Variants in SIGLEC5 observed in about 807,000 individuals in gnomAD.
The protein encoded by SIGLEC5 is sialic acid-binding Ig-like lectin 5.
In SIGLEC5, 34 loss-of-function variants were observed where a neutral mutation model predicts 45.9. The observed-to-expected ratio is 0.74, with a 90% CI of 0.56 to 0.99. SIGLEC5 has a LOEUF of 0.99. Ranked by LOEUF, SIGLEC5 falls within the 50% of genes least tolerant of loss-of-function variation. The pLI, the probability that SIGLEC5 is intolerant of heterozygous loss-of-function variation, is 0.00. For synonymous variants in SIGLEC5, 203 were observed against 258.6 expected, an observed-to-expected ratio of 0.79 and a Z score of 2.06; for missense variants, 508 against 629.6, an observed-to-expected ratio of 0.81 and a Z score of 2.07.
At chr19:51,623,977 G>T (rs750812954) in intron 8 of SIGLEC5, among the ~76,000 whole-genome samples, 6 of 151,898 alleles carry the variant, frequency 4.0e-5, no homozygotes, top group Non-Finnish European at 5.9e-5. Context: ...TGGCCAACAT[G>T]GTGAAACCCC....
intron 7 of SIGLEC5, 60 bp downstream of exon 7, chr19:51,627,089 T>C: frequency 1.5e-6 from 2 of 1,331,526 alleles, no homozygotes; most frequent in South Asian, 2.4e-5. Flanking sequence ...GTTTCTGAGA[T>C]TCAGTCTCTC....
chr19:51,627,988 C>T lies in SIGLEC5; in HGVS notation c.843G>A (p.Trp281Ter), dbSNP rs1357028194. The change falls in exon 5 of 9, where the codon TGG (tryptophan) becomes TGA (stop). Residue 281 changes from tryptophan to a stop codon, truncating the protein, a stop_gained. Coordinates refer to ENST00000683636, the MANE Select transcript of SIGLEC5 (RefSeq NM_003830.4). LOFTEE classifies it high-confidence loss of function. ...CGTTCAGGGCAGGGGAGCCCTGGAA[C>T]CAGCTCAGGTGTGCAGGGGGGTTGC... is the stretch of plus-strand genomic sequence containing the variant. ...APSNPPAHLS[W>*]FQGSPALNAT... 1 of 1,613,408 alleles carries T rather than the reference C, an allele frequency of 6.2e-7. No homozygotes were observed. The highest frequency in any genetic ancestry group is 1.1e-5 in the South Asian group (1 of 90,980).
At position 51,629,037 on chromosome 19, in the gene SIGLEC5, C is replaced by A; in HGVS notation, c.739+1G>T. On this transcript the variant is annotated splice_donor_variant, in intron 4 of 8. Transcript: ENST00000683636. LOFTEE classifies it high-confidence loss of function. ...AGCTTCAGAGAGGAGGTCTTTCCTA[C>A]CTATGCCGTTCCTGAAGATGGTGAT... 6.2e-7 allele frequency: 1 copy of A among 1,613,694 alleles called. No individual in the cohort carries two copies. The highest frequency in any genetic ancestry group is 8.5e-7 in the Non-Finnish European group (1 of 1,179,750).
chr19:51,612,502 T>C, intron 8 of SIGLEC5, 80 bp from the exon 9 acceptor site: 1 of 1,029,124 alleles, frequency 9.7e-7, no homozygotes, highest in Non-Finnish European at 1.4e-6. Context: ...ATTTATATGT[T>C]GCCTTGGGAT....
At chr19:51,626,183 T>C (rs1839259687) in intron 7 of SIGLEC5, 70 bp from the exon 8 acceptor site, 2 of 1,243,112 alleles carry the variant, frequency 1.6e-6, no homozygotes, top group Non-Finnish European at 2.3e-6. Context: ...TCCCATCCCA[T>C]GCTAAGATGG....
rs761011703 is a variant in SIGLEC5, at chr19:51,628,034, C to A, written c.797G>T (p.Arg266Leu). The A allele has an allele frequency of 1.9e-6, 3 of 1,598,114 alleles. No individual in the cohort carries two copies. The highest frequency in any genetic ancestry group is 2.6e-6 in the Non-Finnish European group (3 of 1,171,770). The change falls in exon 5 of 9, where the codon CGG (arginine) becomes CTG (leucine). Residue 266 changes from arginine to leucine, a missense_variant. Around this residue, in one of 2 missense-constraint regions of SIGLEC5, gnomAD observed 431 missense variants for 428.8 expected, o/e 1.01. Transcript: ENST00000683636. ...GTTGCTGGGAGCATCACAGAGCAGC[C>A]GCAGAGCCTGGCCCTCCAGGACCGG... is the stretch of plus-strand genomic sequence containing the variant. ...YLPVLEGQAL[R>L]LLCDAPSNPP...
chr19:51,625,906 G>C (rs1461851832), intron 8 of SIGLEC5, 126 bp downstream of exon 8: 3 of 705,142 alleles, frequency 4.3e-6, no homozygotes, highest in Admixed American at 4.4e-5. Context: ...GGGATATGAA[G>C]GGGGAGAACA....
In SIGLEC5 at chr19:51,627,460, A is replaced by T. The variant is rs754967826; in HGVS notation, c.1282+2T>A. 1.2e-5 allele frequency: 20 copies of T among 1,610,414 alleles called. No individual in the cohort carries two copies. Among genetic ancestry groups the T allele is most frequent in the Non-Finnish European group, 1.7e-5 (20 of 1,177,978 alleles). On this transcript the variant is annotated splice_donor_variant, in intron 6 of 8. Coordinates refer to ENST00000683636, the MANE Select transcript of SIGLEC5 (RefSeq NM_003830.4). LOFTEE classifies it high-confidence loss of function. ...CCTGCCCTCTGCAATACGCCCCCTG[A>T]CCTTGCAGCAGCAGGACAGAGCCGC...
At chr19:51,614,394 A>G (rs1214141498) in intron 8 of SIGLEC5, among the ~76,000 whole-genome samples, 1 of 152,138 alleles carries the variant, frequency 6.6e-6, no homozygotes, top group Non-Finnish European at 1.5e-5. Flanking sequence ...TTAGCCTTCC[A>G]GAGTGGTGGG....
intron 4 of SIGLEC5, among the ~76,000 whole-genome samples, chr19:51,628,592 T>C (rs934689536): frequency 5.3e-5 from 8 of 152,054 alleles, no homozygotes; most frequent in African/African-American, 1.9e-4. Context: ...CGTGTGTGTG[T>C]GCGTGTGCGG....
chr19:51,612,486 T>A, intron 8 of SIGLEC5, 64 bp from the exon 9 acceptor site: 1 of 1,165,106 alleles, frequency 8.6e-7, no homozygotes, highest in South Asian at 1.4e-5. Flanking sequence ...AATAATGAGT[T>A]CTTATATTTA....
In SIGLEC5 at chr19:51,612,138, GGCTCTTCGTGCTTCA is replaced by G. The variant is rs1332836610; in HGVS notation, c.*78_*92del. The G allele has an allele frequency of 1.0e-6, 1 of 967,544 alleles. No homozygotes were observed. The highest frequency in any genetic ancestry group is 1.7e-5 in the African/African-American group (1 of 60,230). The allele number at this position is 967,544 out of a possible 1,614,324, so 59.9% of individuals were successfully genotyped here. On this transcript the variant is annotated 3_prime_UTR_variant, in exon 9 of 9. Transcript: ENST00000683636. ...CAGTTAATGTTAACATTGCCACAAGGGCTCTTCGTGCTTCAGCAAGTGGTCCCTGACTTGTCCTTT... is the reference window on the plus strand; with the variant it reads ...CAGTTAATGTTAACATTGCCACAAGGGCAAGTGGTCCCTGACTTGTCCTTT...
At chr19:51,625,693 G>A (rs763503335) in intron 8 of SIGLEC5, among the ~76,000 whole-genome samples, 2 of 152,188 alleles carry the variant, frequency 1.3e-5, no homozygotes, top group Non-Finnish European at 2.9e-5. Flanking sequence ...AGCCGGGCAT[G>A]GTGGTGTGCG....
Position 51,627,901 on chromosome 19 carries a change from T to G in SIGLEC5, c.930A>C (p.Gly310=), listed in dbSNP as rs2122637381. The G allele has an allele frequency of 6.2e-7, 1 of 1,613,878 alleles. No homozygotes were observed. The highest frequency in any genetic ancestry group is 1.1e-5 in the South Asian group (1 of 91,032). ...GGTGCTGAGCGCGGCAGGTGAAGCC[T>G]CCTTCTTCTGCAGACCTTACTCGAC... ...ELRRVRSAEE[G]GFTCRAQHPL... is the part of the protein sequence containing the mutation. The change falls in exon 5 of 9, where the codon GGA becomes GGC. Residue 310 remains glycine (G), a synonymous_variant. Coordinates refer to ENST00000683636, the MANE Select transcript of SIGLEC5 (RefSeq NM_003830.4).
chr19:51,627,573 A>C lies in SIGLEC5; in HGVS notation c.1171T>G (p.Trp391Gly). 6.2e-7 allele frequency: 1 copy of C among 1,614,056 alleles called. No individual in the cohort carries two copies. The highest frequency in any genetic ancestry group is 8.5e-7 in the Non-Finnish European group (1 of 1,180,018). The change falls in exon 6 of 9, where the codon TGG becomes GGG. Residue 391 changes from tryptophan to glycine, a missense_variant. Coordinates refer to ENST00000683636, the MANE Select transcript of SIGLEC5 (RefSeq NM_003830.4). ...FKVNSSSAGP[W>G]ANSSLILHGG... ...TGGAGGATCAGGGAGCTGTTGGCCC[A>C]GGGCCCAGCTGAGCTGGAGTTGACC...
Position 51,612,173 on chromosome 19 carries a change from T to C in SIGLEC5, c.*58A>G. On this transcript the variant is annotated 3_prime_UTR_variant, in exon 9 of 9. Transcript: ENST00000683636. Reference sequence around the variant, plus strand: ...GCTTCAGCAAGTGGTCCCTGACTTGTCCTTTCCCCCAGACAGGCTGTGGCT... The same window carrying C: ...GCTTCAGCAAGTGGTCCCTGACTTGCCCTTTCCCCCAGACAGGCTGTGGCT... 7.0e-7 allele frequency: 1 copy of C among 1,426,532 alleles called. No individual in the cohort carries two copies. The highest frequency in any genetic ancestry group is 9.5e-7 in the Non-Finnish European group (1 of 1,054,916). 88.4% of individuals were successfully genotyped at this position (1,426,532 alleles called of 1,614,324 possible). A position where few individuals can be genotyped will look rare whatever the true frequency, so the allele number is the denominator to read the frequency against.
chr19:51,613,941 T>C (rs914592266), intron 8 of SIGLEC5, among the ~76,000 whole-genome samples: 3 of 152,146 alleles, frequency 2.0e-5, no homozygotes. Context: ...AGGTGTCTTA[T>C]GTGCAAACCA....
intron 8 of SIGLEC5, among the ~76,000 whole-genome samples, chr19:51,625,824 C>G (rs1386978757): frequency 6.6e-6 from 1 of 152,080 alleles, no homozygotes; most frequent in Non-Finnish European, 1.5e-5. Flanking sequence ...GAGTGAAACT[C>G]CATCTCAAAA....
intron 8 of SIGLEC5, 54 bp from the exon 9 acceptor site, chr19:51,612,476 A>G: frequency 8.0e-7 from 1 of 1,255,246 alleles, no homozygotes; most frequent in Non-Finnish European, 1.1e-6. Context: ...GCAGGTGTAG[A>G]ATAATGAGTT....
Sources: allele counts gnomAD v4.1 joint callset (sites outside exome capture counted in the v4.1 genomes callset), GRCh38; gene constraint gnomAD v4.1.1; regional missense constraint gnomAD v4.1.1; transcripts MANE v1.5; gene names NCBI Gene and HGNC (gene_info 2026-07-23, HGNC 2026-07-21).